Variants in ABCA4 observed in about 807,000 individuals in gnomAD.
ABCA4 encodes the protein ATP binding cassette subfamily A member 4.
In ABCA4, 196 loss-of-function variants were observed where a neutral mutation model predicts 263.7. The observed-to-expected ratio is 0.74, with a 90% CI of 0.66 to 0.84. ABCA4 has a LOEUF of 0.84. ABCA4 is among the 40% of genes least tolerant of loss of function. ABCA4 has a pLI of 0.00. For synonymous variants in ABCA4, 1,133 were observed against 1,094.2 expected, an observed-to-expected ratio of 1.04 and a Z score of -0.70; for missense variants, 2,792 against 2,855.1, an observed-to-expected ratio of 0.98 and a Z score of 0.50.
chr1:94,053,802 T>C (rs1301784922), intron 16 of ABCA4, among the ~76,000 whole-genome samples: 2 of 152,254 alleles, frequency 1.3e-5, no homozygotes, highest in Non-Finnish European at 2.9e-5. Context: ...GCAGCCCTAG[T>C]AAATGAATGC....
chr1:94,072,705 A>T (rs1432963898), intron 11 of ABCA4, among the ~76,000 whole-genome samples: 1 of 152,126 alleles, frequency 6.6e-6, no homozygotes, highest in Non-Finnish European at 1.5e-5. Context: ...AGATTTGGAG[A>T]AAAGGGTGAT....
chr1:93,999,170 C>T (rs898111897), intron 47 of ABCA4, among the ~76,000 whole-genome samples: 9 of 151,768 alleles, frequency 5.9e-5, no homozygotes, highest in African/African-American at 9.7e-5. Flanking sequence ...CTCAGTTTCC[C>T]GAGTAGGTGG....
intron 6 of ABCA4, among the ~76,000 whole-genome samples, chr1:94,087,809 T>C (rs1022367916): frequency 6.6e-6 from 1 of 152,134 alleles, no homozygotes; most frequent in Admixed American, 6.5e-5. Context: ...ATGTATTGAG[T>C]GTCTGCTATT....
chr1:94,015,312 C>G (rs1251476322), intron 37 of ABCA4, among the ~76,000 whole-genome samples: 4 of 152,198 alleles, frequency 2.6e-5, no homozygotes, highest in Admixed American at 2.6e-4. Flanking sequence ...CTGTCCCTGA[C>G]TCAGGAGGAG....
chr1:93,998,432 G>T (rs1276253278), intron 47 of ABCA4, among the ~76,000 whole-genome samples: 1 of 152,170 alleles, frequency 6.6e-6, no homozygotes, highest in East Asian at 1.9e-4. Flanking sequence ...AGTGAGCCAT[G>T]ATCATGCCAC....
At position 93,992,844 on chromosome 1, in the gene ABCA4, T is replaced by C. The variant is rs1436623457; in HGVS notation, c.*393A>G. On this transcript the variant is annotated 3_prime_UTR_variant, in exon 50 of 50. Coordinates refer to ENST00000370225, the MANE Select transcript of ABCA4 (RefSeq NM_000350.3). ...GACTGTGAATTAGGATAGTTTGTGA[T>C]GAGTGCATTTGCATTTTATTTTTCC... 1.9e-5 allele frequency: 6 copies of C among 315,054 alleles called. No individual in the cohort carries two copies. Among genetic ancestry groups the C allele is most frequent in the Admixed American group, 1.3e-4 (3 of 23,084 alleles). 19.5% of individuals were successfully genotyped at this position (315,054 alleles called of 1,614,324 possible). A position where few individuals can be genotyped will look rare whatever the true frequency, so the allele number is the denominator to read the frequency against.
intron 17 of ABCA4, 111 bp downstream of exon 17, chr1:94,051,522 T>C (rs1431541207): frequency 1.0e-6 from 1 of 983,678 alleles, no homozygotes; most frequent in Middle Eastern, 2.1e-4. Flanking sequence ...AGCTGACTCA[T>C]CAGGAATCAC....
chr1:94,065,234 T>G (rs1225899839), intron 11 of ABCA4, among the ~76,000 whole-genome samples: 2 of 152,010 alleles, frequency 1.3e-5, no homozygotes, highest in Admixed American at 1.3e-4. Context: ...CACTACTATC[T>G]TGTCAAGTAG....
chr1:94,090,208 C>T (rs537623428), intron 6 of ABCA4, among the ~76,000 whole-genome samples: 2 of 152,234 alleles, frequency 1.3e-5, no homozygotes, highest in South Asian at 2.1e-4. Context: ...CTCTCATCAA[C>T]GGTATGATAA....
chr1:94,038,989 C>A (rs11165069), intron 24 of ABCA4, among the ~76,000 whole-genome samples: 2 of 152,024 alleles, frequency 1.3e-5, no homozygotes, highest in Non-Finnish European at 2.9e-5. Flanking sequence ...AAAAAAGAAT[C>A]ATTCAGCCAT....
intron 44 of ABCA4, among the ~76,000 whole-genome samples, chr1:94,002,288 C>A (rs970517084): frequency 6.6e-6 from 1 of 152,238 alleles, no homozygotes; most frequent in Admixed American, 6.5e-5. Context: ...TCTCGCCCAG[C>A]GTCCTGGACC....
intron 44 of ABCA4, among the ~76,000 whole-genome samples, 154 bp from the exon 45 acceptor site, chr1:94,002,146 G>A (rs1659207986): frequency 6.6e-6 from 1 of 152,242 alleles, no homozygotes; most frequent in African/African-American, 2.4e-5. Context: ...CCTCTGGCAT[G>A]TGCTTCAGGC....
At position 94,103,127 on chromosome 1, in the gene ABCA4, A is replaced by G. The variant is rs755348328; in HGVS notation, c.458T>C (p.Ile153Thr). ...TTCTTCATCTTTCAAGATATCCCTTATTCGTATTCCTCTTCCTACATATGA... is the reference window on the plus strand; with the variant it reads ...TTCTTCATCTTTCAAGATATCCCTTGTTCGTATTCCTCTTCCTACATATGA... ...PERIAGRGIR[I>T]RDILKDEETL... Residue 153 changes from isoleucine to threonine, a missense_variant, in exon 5 of 50, where the codon ATA (isoleucine) becomes ACA (threonine). Physicochemically the swap from Ile to Thr is moderately conservative, Grantham distance 89. Transcript: ENST00000370225. 3.1e-6 allele frequency: 5 copies of G among 1,613,952 alleles called. No individual in the cohort carries two copies. Among genetic ancestry groups the G allele is most frequent in the Non-Finnish European group, 4.2e-6 (5 of 1,179,978 alleles).
intron 30 of ABCA4, 129 bp from the exon 31 acceptor site, chr1:94,025,177 C>T (rs1230136760): frequency 1.3e-6 from 1 of 783,364 alleles, no homozygotes; most frequent in African/African-American, 1.7e-5. Flanking sequence ...AAATAAAGTA[C>T]TGGCATCTCC....
intron 11 of ABCA4, among the ~76,000 whole-genome samples, chr1:94,069,363 G>A (rs1661350058): frequency 6.6e-6 from 1 of 152,218 alleles, no homozygotes; most frequent in Non-Finnish European, 1.5e-5. Context: ...TGATCAAAGT[G>A]GGGAGCAACC....
At chr1:94,000,671 A>G (rs1659148498) in intron 47 of ABCA4, among the ~76,000 whole-genome samples, 165 bp downstream of exon 47, 2 of 152,186 alleles carry the variant, frequency 1.3e-5, no homozygotes, top group South Asian at 4.1e-4. Context: ...TCTTATCAGC[A>G]TGATGGCCTT....
At chr1:94,057,851 T>C (rs1661021339) in intron 14 of ABCA4, among the ~76,000 whole-genome samples, 1 of 152,204 alleles carries the variant, frequency 6.6e-6, no homozygotes, top group Non-Finnish European at 1.5e-5. Flanking sequence ...TATGAGGCAC[T>C]TTACTCTCTG....
chr1:94,020,351 T>G (rs1215211234), intron 35 of ABCA4, among the ~76,000 whole-genome samples: 3 of 152,198 alleles, frequency 2.0e-5, no homozygotes, highest in Non-Finnish European at 2.9e-5. Context: ...GAACTTTATG[T>G]ACAAGCCATA....
At chr1:94,003,670 G>A (rs901495185) in intron 44 of ABCA4, among the ~76,000 whole-genome samples, 4 of 152,090 alleles carry the variant, frequency 2.6e-5, no homozygotes, top group African/African-American at 7.2e-5. Flanking sequence ...GTCTTGCTCT[G>A]TTTCCCAGGC....
Sources: allele counts gnomAD v4.1 joint callset (sites outside exome capture counted in the v4.1 genomes callset), GRCh38; gene constraint gnomAD v4.1.1; transcripts MANE v1.5; gene names NCBI Gene and HGNC (gene_info 2026-07-23, HGNC 2026-07-21).